ME1: variants seen among roughly 807,000 people sequenced by gnomAD.
The protein encoded by ME1 is malic enzyme 1.
Under a neutral mutation model 66.4 loss-of-function variants are expected in ME1, and 74 were observed. The ratio of observed to expected loss-of-function variants is 1.11; its 90% CI spans 0.92 to 1.35. The LOEUF (loss-of-function observed/expected upper bound fraction) is 1.35. Among genes scored for constraint, ME1 ranks in the 40% most tolerant of loss-of-function variants. ME1 has a pLI of 0.00. For synonymous variants in ME1, 251 were observed against 235.6 expected (o/e 1.07, Z -0.60); for missense variants, 750 against 694.1 (o/e 1.08, Z -0.90).
intron 6 of ME1, among the ~76,000 whole-genome samples, chr6:83,290,104 G>T (rs1024330625): frequency 1.3e-5 from 2 of 151,562 alleles, no homozygotes; most frequent in Non-Finnish European, 1.5e-5. Flanking sequence ...ATTTTTGAAG[G>T]TTTTTTTTGT....
At chr6:83,391,130 T>A (rs1196440094) in intron 3 of ME1, among the ~76,000 whole-genome samples, 2 of 152,160 alleles carry the variant, frequency 1.3e-5, no homozygotes, top group Admixed American at 1.3e-4. Context: ...AAATGAGATT[T>A]TTTTACAGTC....
intron 12 of ME1, among the ~76,000 whole-genome samples, chr6:83,220,621 C>A (rs981304636): frequency 2.0e-5 from 3 of 152,168 alleles, no homozygotes; most frequent in Non-Finnish European, 4.4e-5. Context: ...TCAGAAATAT[C>A]TCCTATATGT....
At chr6:83,323,429 C>A (rs374566793) in intron 5 of ME1, among the ~76,000 whole-genome samples, 1 of 151,654 alleles carries the variant, frequency 6.6e-6, no homozygotes, top group Non-Finnish European at 1.5e-5. Flanking sequence ...CAAAGACACA[C>A]ATAGGCTCAA....
chr6:83,272,609 T>C (rs930491554), intron 6 of ME1, among the ~76,000 whole-genome samples: 1 of 152,152 alleles, frequency 6.6e-6, no homozygotes, highest in Non-Finnish European at 1.5e-5. Context: ...TTTTTTCTTT[T>C]ACGGGTGATT....
chr6:83,323,782 A>G (rs1768229255), intron 5 of ME1, among the ~76,000 whole-genome samples: 1 of 152,174 alleles, frequency 6.6e-6, no homozygotes, highest in Non-Finnish European at 1.5e-5. Context: ...GATCAACAAG[A>G]CAGAAAATTA....
At chr6:83,212,199 T>A (rs1789904251) in intron 13 of ME1, 105 bp from the exon 14 acceptor site, 2 of 679,618 alleles carry the variant, frequency 2.9e-6, no homozygotes, top group Non-Finnish European at 4.6e-6. Flanking sequence ...ATCCTATGTT[T>A]GCAAAAACAT....
At chr6:83,404,287 C>T (rs1477157738) in intron 2 of ME1, among the ~76,000 whole-genome samples, 1 of 152,054 alleles carries the variant, frequency 6.6e-6, no homozygotes, top group East Asian at 1.9e-4. Flanking sequence ...TGATTTTTGG[C>T]CGCATAAATG....
At chr6:83,308,232 A>G (rs1052681907) in intron 6 of ME1, among the ~76,000 whole-genome samples, 1 of 152,144 alleles carries the variant, frequency 6.6e-6, no homozygotes, top group South Asian at 2.1e-4. Context: ...GTGCTTCCCA[A>G]TAACTTTTAA....
At position 83,223,848 on chromosome 6, in the gene ME1, T is replaced by C; in HGVS notation, c.1361A>G (p.Asn454Ser). ...GQTLYPGQGN[N>S]SYVFPGVALG... ...AGCAACTCCAGGGAACACATAGGAA[T>C]TGTTGCCTTGGCCAGGATATAGGGT... is the stretch of plus-strand genomic sequence containing the variant. Residue 454 changes from asparagine (N) to serine (S), a missense_variant, in exon 12 of 14, where the codon AAT (asparagine) becomes AGT (serine). Coordinates refer to ENST00000369705, the MANE Select transcript of ME1 (RefSeq NM_002395.6). 1 of 1,613,946 alleles carries C rather than the reference T, an allele frequency of 6.2e-7. No homozygotes were observed. The highest frequency in any genetic ancestry group is 8.5e-7 in the Non-Finnish European group (1 of 1,179,888).
At chr6:83,231,089 A>G (rs981321302) in intron 9 of ME1, among the ~76,000 whole-genome samples, 1 of 152,238 alleles carries the variant, frequency 6.6e-6, no homozygotes, top group Non-Finnish European at 1.5e-5. Flanking sequence ...AAGCTATAGA[A>G]TAAGATAAAT....
chr6:83,242,989 G>A (rs1288707132), intron 7 of ME1, among the ~76,000 whole-genome samples: 1 of 152,064 alleles, frequency 6.6e-6, no homozygotes, highest in South Asian at 2.1e-4. Flanking sequence ...GGGTGCAGAG[G>A]TTTATGTCCT....
At chr6:83,352,005 T>C (rs1768809712) in intron 4 of ME1, 59 bp downstream of exon 4, 4 of 1,020,470 alleles carry the variant, frequency 3.9e-6, no homozygotes, top group Admixed American at 2.5e-5. Context: ...TATTTTAAAC[T>C]GTTTTATGGG....
At chr6:83,357,200 C>T (rs924626004) in intron 3 of ME1, among the ~76,000 whole-genome samples, 2 of 152,118 alleles carry the variant, frequency 1.3e-5, no homozygotes, top group African/African-American at 2.4e-5. Context: ...CATTGCCGAC[C>T]GGTCCTATTA....
chr6:83,290,119 C>G (rs1767474707), intron 6 of ME1, among the ~76,000 whole-genome samples: 1 of 151,980 alleles, frequency 6.6e-6, no homozygotes, highest in South Asian at 2.1e-4. Context: ...TTTTGTGTCT[C>G]TATCTCCTTC....
chr6:83,376,804 C>CAAAAAAAAA lies in ME1; in HGVS notation c.362+21554_362+21562dup, dbSNP rs70987750. On this transcript the variant is annotated intron_variant, in intron 3 of 13. Transcript: ENST00000369705. ...GGCGACAGAACCAGACCCTGTCTCA[C>CAAAAAAAAA]AAAAAAAAAAAAAAAATTCAAAAAA... 5.6e-3 allele frequency among the ~76,000 whole-genome samples: 484 copies of CAAAAAAAAA among 87,074 alleles called. 11 individuals are homozygous for CAAAAAAAAA. Among genetic ancestry groups the CAAAAAAAAA allele is most frequent in the African/African-American group, 0.018 (456 of 25,598 alleles). 57.1% of individuals were successfully genotyped at this position (87,074 alleles called of 152,430 possible).
At chr6:83,429,450 T>C (rs1770440567) in intron 1 of ME1, among the ~76,000 whole-genome samples, 1 of 152,162 alleles carries the variant, frequency 6.6e-6, no homozygotes, top group African/African-American at 2.4e-5. Flanking sequence ...AACTTGGTCA[T>C]AAATTACAGT....
intron 8 of ME1, 119 bp downstream of exon 8, chr6:83,239,420 A>G (rs1583334439): frequency 1.7e-6 from 1 of 593,530 alleles, no homozygotes; most frequent in Non-Finnish European, 3.0e-6. Flanking sequence ...TCTTCCATAA[A>G]GCCTACAGTC....
At chr6:83,286,853 C>T (rs1767406397) in intron 6 of ME1, among the ~76,000 whole-genome samples, 1 of 152,082 alleles carries the variant, frequency 6.6e-6, no homozygotes, top group Admixed American at 6.6e-5. Context: ...CCCTCATGAA[C>T]TACATCAGAT....
chr6:83,334,215 G>C (rs1768478219), intron 5 of ME1, among the ~76,000 whole-genome samples: 2 of 149,272 alleles, frequency 1.3e-5, no homozygotes, highest in Non-Finnish European at 3.0e-5. Flanking sequence ...GGACGCACCT[G>C]GAAAATCGGG....
Sources: allele counts gnomAD v4.1 joint callset (sites outside exome capture counted in the v4.1 genomes callset), GRCh38; gene constraint gnomAD v4.1.1; transcripts MANE v1.5; gene names NCBI Gene and HGNC (gene_info 2026-07-23, HGNC 2026-07-21).